Variants in CDK14 observed in about 807,000 individuals in gnomAD.
CDK14 encodes cyclin dependent kinase 14, also known as cyclin-dependent kinase 14.
A neutral mutation model predicts 60.7 loss-of-function variants in CDK14; 34 were observed. The ratio of observed to expected loss-of-function variants is 0.56; its 90% CI spans 0.43 to 0.75. The LOEUF is 0.75. Among genes scored for constraint, CDK14 ranks in the 30% least tolerant of loss-of-function variants. CDK14 has a pLI of 0.00. For synonymous variants in CDK14, 197 were observed against 203.7 expected, an observed-to-expected ratio of 0.97 and a Z score of 0.28; for missense variants, 482 against 564.1, an observed-to-expected ratio of 0.85 and a Z score of 1.47.
intron 12 of CDK14, among the ~76,000 whole-genome samples, chr7:91,111,724 A>C (rs1799472936): frequency 6.6e-6 from 1 of 152,168 alleles, no homozygotes; most frequent in Non-Finnish European, 1.5e-5. Flanking sequence ...ATGTTCAACT[A>C]TCCAGAAATG....
chr7:90,941,610 A>G (rs6949077), intron 8 of CDK14, among the ~76,000 whole-genome samples: 125,974 of 149,976 alleles, frequency 0.84, 52,365 homozygotes, highest in East Asian at 0.95. Context: ...TGCCAAACCC[A>G]GCTATTTTTT....
At chr7:90,691,981 C>T (rs1213861234) in intron 2 of CDK14, among the ~76,000 whole-genome samples, 3 of 152,050 alleles carry the variant, frequency 2.0e-5, no homozygotes, top group Non-Finnish European at 4.4e-5. Flanking sequence ...AGTTTTATTT[C>T]AGATGAGTGA....
At chr7:91,085,857 C>T (rs986508900) in intron 12 of CDK14, among the ~76,000 whole-genome samples, 22 of 152,158 alleles carry the variant, frequency 1.4e-4, no homozygotes, top group Admixed American at 9.8e-4. Context: ...TCAAGAAGGC[C>T]GCTGGCCTCT....
intron 2 of CDK14, among the ~76,000 whole-genome samples, chr7:90,623,990 A>G (rs1327149060): frequency 1.3e-5 from 2 of 152,182 alleles, no homozygotes; most frequent in African/African-American, 2.4e-5. Context: ...TTGCATATTT[A>G]TAATACATAT....
intron 11 of CDK14, among the ~76,000 whole-genome samples, chr7:91,064,992 T>G (rs557160312): frequency 1.8e-4 from 27 of 151,342 alleles, no homozygotes; most frequent in African/African-American, 6.6e-4. Context: ...GGCGACCTCA[T>G]CTGGGAACAT....
intron 11 of CDK14, among the ~76,000 whole-genome samples, chr7:91,048,413 G>A (rs1469421983): frequency 1.3e-5 from 2 of 152,106 alleles, no homozygotes; most frequent in African/African-American, 4.8e-5. Flanking sequence ...AGGGACAGTT[G>A]GGTTGTTTCC....
intron 14 of CDK14, among the ~76,000 whole-genome samples, chr7:91,197,257 G>C (rs1169423345): frequency 6.6e-6 from 1 of 152,034 alleles, no homozygotes; most frequent in Non-Finnish European, 1.5e-5. Flanking sequence ...AAAATTAGCT[G>C]GGCATGGTGG....
intron 4 of CDK14, among the ~76,000 whole-genome samples, chr7:90,757,209 A>AGTGTGTGTGTGTGTGT (rs56790315): frequency 2.1e-3 from 252 of 120,244 alleles, no homozygotes; most frequent in Middle Eastern, 4.5e-3. Context: ...GCATTCTTCC[A>AGTGTGTGTGTGTGTGT]GTGTGTGTGT....
At chr7:90,861,498 G>A (rs1791008762) in intron 5 of CDK14, among the ~76,000 whole-genome samples, 1 of 152,128 alleles carries the variant, frequency 6.6e-6, no homozygotes, top group South Asian at 2.1e-4. Flanking sequence ...ATTCCAGAAA[G>A]ACAAAACTGG....
At chr7:90,955,844 T>C in intron 9 of CDK14, 27 bp downstream of exon 9, 5 of 1,610,816 alleles carry the variant, frequency 3.1e-6, no homozygotes, top group Non-Finnish European at 4.2e-6. Context: ...TTACTCTAGC[T>C]AATCTATCTG....
intron 14 of CDK14, among the ~76,000 whole-genome samples, chr7:91,148,791 T>C (rs1800736163): frequency 6.6e-6 from 1 of 152,106 alleles, no homozygotes; most frequent in African/African-American, 2.4e-5. Flanking sequence ...TCCTTCATAT[T>C]AGTACAAGCC....
intron 2 of CDK14, among the ~76,000 whole-genome samples, chr7:90,671,343 G>T: frequency 6.7e-6 from 1 of 149,652 alleles, no homozygotes; most frequent in African/African-American, 2.5e-5. Context: ...TCTCCCTTCT[G>T]CAACCTTGAT....
At chr7:91,141,511 A>G (rs890482562) in intron 14 of CDK14, among the ~76,000 whole-genome samples, 3 of 152,200 alleles carry the variant, frequency 2.0e-5, no homozygotes, top group Non-Finnish European at 4.4e-5. Flanking sequence ...CCTCTGGCAT[A>G]ATAGGACTTG....
At chr7:90,899,476 T>C in intron 7 of CDK14, 123 bp downstream of exon 7, 2 of 580,196 alleles carry the variant, frequency 3.4e-6, no homozygotes, top group Non-Finnish European at 5.6e-6. Flanking sequence ...AGAGAAGGGA[T>C]ATTGAGGTGA....
At chr7:91,082,660 T>A (rs960013896) in intron 12 of CDK14, among the ~76,000 whole-genome samples, 8 of 152,226 alleles carry the variant, frequency 5.3e-5, no homozygotes, top group Admixed American at 2.0e-4. Context: ...TTCCTAACTT[T>A]GTGTTCTTGA....
chr7:91,017,631 G>C (rs1796334193), intron 10 of CDK14, among the ~76,000 whole-genome samples: 1 of 152,182 alleles, frequency 6.6e-6, no homozygotes, highest in South Asian at 2.1e-4. Context: ...GATTACTTCA[G>C]ATGGTCGATA....
At chr7:90,842,194 A>G (rs982027390) in intron 5 of CDK14, among the ~76,000 whole-genome samples, 3 of 152,190 alleles carry the variant, frequency 2.0e-5, no homozygotes, top group Admixed American at 2.0e-4. Flanking sequence ...CTTATTTTAT[A>G]TATTTTCTTA....
intron 1 of CDK14, among the ~76,000 whole-genome samples, chr7:90,599,016 T>C (rs904743411): frequency 3.9e-5 from 6 of 152,160 alleles, no homozygotes; most frequent in Non-Finnish European, 8.8e-5. Context: ...TCTAAGGATT[T>C]TTAAGGCGCT....
intron 10 of CDK14, among the ~76,000 whole-genome samples, chr7:90,989,959 A>G (rs1795483373): frequency 6.6e-6 from 1 of 152,192 alleles, no homozygotes; most frequent in African/African-American, 2.4e-5. Flanking sequence ...TGAAGTGAAA[A>G]TAAGAGGGAA....
Sources: allele counts gnomAD v4.1 joint callset (sites outside exome capture counted in the v4.1 genomes callset), GRCh38; gene constraint gnomAD v4.1.1; transcripts MANE v1.5; gene names NCBI Gene and HGNC (gene_info 2026-07-23, HGNC 2026-07-21).